The following ARHGAP26 variants were observed in gnomAD, a reference collection of about 807,000 sequenced individuals.
ARHGAP26 encodes the protein rho GTPase-activating protein 26.
ARHGAP26 carries 38 observed loss-of-function variants against 104.8 expected under a neutral mutation model. That is an observed-to-expected ratio of 0.36 (90% CI 0.28 to 0.48). The LOEUF is 0.48. ARHGAP26 is among the 20% of genes least tolerant of loss of function. The probability of loss-of-function intolerance (pLI) is 0.99; values close to 1 mark genes in which losing one functional copy is unlikely to be tolerated. For synonymous variants in ARHGAP26, 341 were observed against 340.0 expected, an observed-to-expected ratio of 1.00 and a Z score of -0.03; for missense variants, 704 against 947.9, an observed-to-expected ratio of 0.74 and a Z score of 3.38.
chr5:143,025,507 A>C (rs898382898), intron 12 of ARHGAP26, among the ~76,000 whole-genome samples: 1 of 152,216 alleles, frequency 6.6e-6, no homozygotes, highest in East Asian at 1.9e-4. Context: ...AAATCAGTGC[A>C]AAACCACCGG....
intron 1 of ARHGAP26, among the ~76,000 whole-genome samples, chr5:142,818,628 A>G (rs1765558769): frequency 6.6e-6 from 1 of 152,178 alleles, no homozygotes; most frequent in Non-Finnish European, 1.5e-5. Flanking sequence ...CTGAGTCTTC[A>G]TTTCCTCATG....
chr5:143,208,008 C>T (rs564449316), intron 21 of ARHGAP26, among the ~76,000 whole-genome samples: 43 of 152,324 alleles, frequency 2.8e-4, no homozygotes, highest in African/African-American at 8.2e-4. Context: ...CGAAACCATC[C>T]ATGCTCCCAG....
intron 1 of ARHGAP26, among the ~76,000 whole-genome samples, chr5:142,812,088 C>A (rs1764187349): frequency 2.0e-5 from 3 of 152,154 alleles, no homozygotes; most frequent in African/African-American, 7.2e-5. Context: ...AAGGCTCCCC[C>A]TCCCCACCCC....
At chr5:142,916,885 C>T (rs986789650) in intron 10 of ARHGAP26, among the ~76,000 whole-genome samples, 1 of 152,162 alleles carries the variant, frequency 6.6e-6, no homozygotes, top group Non-Finnish European at 1.5e-5. Context: ...ATCCTCACTA[C>T]AACCCAGGGG....
chr5:142,770,967 G>A, intron 1 of ARHGAP26, 52 bp downstream of exon 1: 1 of 1,545,332 alleles, frequency 6.5e-7, no homozygotes, highest in Non-Finnish European at 8.8e-7. Flanking sequence ...GAGGAACTGG[G>A]AGGTGGCGCT....
At chr5:143,006,335 TTTTA>T (rs2152800082) in intron 11 of ARHGAP26, among the ~76,000 whole-genome samples, 1 of 151,582 alleles carries the variant, frequency 6.6e-6, no homozygotes, top group South Asian at 2.1e-4. Flanking sequence ...TTTTTTTTTT[TTTTA>T]ATTGCAGTTT....
At chr5:142,917,439 ATCTGGGAAGTGCT>A (rs1426473151) in intron 10 of ARHGAP26, among the ~76,000 whole-genome samples, 1 of 152,192 alleles carries the variant, frequency 6.6e-6, no homozygotes, top group East Asian at 1.9e-4. Flanking sequence ...AGGCTGTGAA[ATCTGGGAAGTGCT>A]ATTGGCACCC....
At chr5:143,054,753 T>C (rs772588535) in intron 15 of ARHGAP26, among the ~76,000 whole-genome samples, 12 of 152,238 alleles carry the variant, frequency 7.9e-5, no homozygotes, top group Non-Finnish European at 2.9e-5. Flanking sequence ...GGAAACTTTG[T>C]TCTATATGAG....
At chr5:143,201,519 A>G (rs1807718222) in intron 20 of ARHGAP26, among the ~76,000 whole-genome samples, 1 of 152,138 alleles carries the variant, frequency 6.6e-6, no homozygotes, top group South Asian at 2.1e-4. Context: ...GGAGGGAGCA[A>G]GATTTTTATT....
intron 20 of ARHGAP26, chr5:143,166,154 A>G (rs1801913651): frequency 3.3e-6 from 4 of 1,216,510 alleles, no homozygotes; most frequent in Non-Finnish European, 4.3e-6. Flanking sequence ...AGAATAACAC[A>G]CGCCCTTCCC....
At position 142,903,662 on chromosome 5, in the gene ARHGAP26, G is replaced by A. The variant is rs954333302; in HGVS notation, c.825G>A (p.Gln275=). Reference sequence around the variant, plus strand: ...CCATGGAGGGATACCTCTACGTGCAGGAGAAACGTGAGTGCTTTGACTAGC... The same window carrying A: ...CCATGGAGGGATACCTCTACGTGCAAGAGAAACGTGAGTGCTTTGACTAGC... The part of the protein sequence containing the change: ...PYTMEGYLYV[Q]EKRHFGTSWV... Residue 275 remains glutamine (Q), a synonymous_variant, in exon 8 of 23, where the codon CAG becomes CAA. Coordinates refer to ENST00000645722, the MANE Select transcript of ARHGAP26 (RefSeq NM_001135608.3). 6.2e-7 allele frequency: 1 copy of A among 1,613,216 alleles called. No individual in the cohort carries two copies. The highest frequency in any genetic ancestry group is 1.3e-5 in the African/African-American group (1 of 74,898).
chr5:143,058,014 A>G (rs746742348), intron 17 of ARHGAP26: 5 of 620,176 alleles, frequency 8.1e-6, no homozygotes, highest in South Asian at 7.6e-5. Flanking sequence ...ATGGTGATCA[A>G]GGGCAAATTG....
At chr5:143,175,132 T>G (rs1306291068) in intron 20 of ARHGAP26, among the ~76,000 whole-genome samples, 1 of 152,246 alleles carries the variant, frequency 6.6e-6, no homozygotes, top group East Asian at 1.9e-4. Flanking sequence ...ATAAGGCTAT[T>G]TAACTGACCT....
chr5:143,150,593 A>G (rs1180976153), intron 20 of ARHGAP26, among the ~76,000 whole-genome samples: 1 of 152,232 alleles, frequency 6.6e-6, no homozygotes, highest in Non-Finnish European at 1.5e-5. Flanking sequence ...AGACATGTGT[A>G]TTAGGGGAGG....
intron 11 of ARHGAP26, among the ~76,000 whole-genome samples, chr5:142,951,135 C>T (rs1366503198): frequency 6.6e-6 from 1 of 152,196 alleles, no homozygotes; most frequent in African/African-American, 2.4e-5. Context: ...TCTCAGCTCA[C>T]TGCAACCTCC....
At chr5:143,200,668 T>C (rs1274153751) in intron 20 of ARHGAP26, among the ~76,000 whole-genome samples, 1 of 152,216 alleles carries the variant, frequency 6.6e-6, no homozygotes, top group Non-Finnish European at 1.5e-5. Flanking sequence ...TGTATGGTTG[T>C]ATTTCTTTTC....
intron 20 of ARHGAP26, among the ~76,000 whole-genome samples, chr5:143,162,655 A>G (rs1801409915): frequency 6.6e-6 from 1 of 152,192 alleles, no homozygotes. Flanking sequence ...CTTCAGCCTC[A>G]GTGGAACGCA....
At chr5:142,875,214 G>C (rs753046222) in intron 3 of ARHGAP26, 43 bp downstream of exon 3, 2 of 1,585,880 alleles carry the variant, frequency 1.3e-6, no homozygotes, top group East Asian at 2.2e-5. Flanking sequence ...TAGTATATTC[G>C]TGTTGAGGGA....
chr5:143,185,391 C>G (rs1478141915), intron 20 of ARHGAP26, among the ~76,000 whole-genome samples: 2 of 152,118 alleles, frequency 1.3e-5, no homozygotes, highest in Admixed American at 1.3e-4. Flanking sequence ...CTAGAAACAA[C>G]AAAGTTTCTT....
Sources: allele counts gnomAD v4.1 joint callset (sites outside exome capture counted in the v4.1 genomes callset), GRCh38; gene constraint gnomAD v4.1.1; transcripts MANE v1.5; gene names NCBI Gene and HGNC (gene_info 2026-07-23, HGNC 2026-07-21).